The following STIP1 variants were observed in gnomAD, a reference collection of about 807,000 sequenced individuals.
STIP1 encodes stress induced phosphoprotein 1.
A neutral mutation model predicts 77.4 loss-of-function variants in STIP1; 16 were observed. That is an observed-to-expected ratio of 0.21 (90% CI 0.14 to 0.31). The LOEUF is 0.31. Ranked by LOEUF, STIP1 falls within the 10% of genes least tolerant of loss-of-function variation. STIP1 has a pLI of 1.00. For missense variants in STIP1, 524 were observed against 684.8 expected (o/e 0.77, Z 2.62); for synonymous variants, 258 against 246.6 (o/e 1.05, Z -0.44).
chr11:64,193,213 G>T lies in STIP1; in HGVS notation c.145G>T (p.Ala49Ser), dbSNP rs1254543034. The T allele has an allele frequency of 6.2e-7, 1 of 1,614,174 alleles. No individual in the cohort carries two copies. Among genetic ancestry groups the T allele is most frequent in the Non-Finnish European group, 8.5e-7 (1 of 1,180,036 alleles). The stretch of plus-strand genomic sequence containing the variant: ...GTACAGCAACCGTTCTGCTGCCTAT[G>T]CCAAGAAAGGAGACTACCAGAAGGC... Reference protein sequence around the residue: ...VLYSNRSAAYAKKGDYQKAYE... With the variant: ...VLYSNRSAAYSKKGDYQKAYE... The change falls in exon 2 of 14, where the codon GCC (alanine) becomes TCC (serine). Residue 49 changes from alanine to serine, a missense_variant. Transcript: ENST00000305218.
chr11:64,185,440 A>C, upstream of STIP1: 1 of 249,432 alleles, frequency 4.0e-6, no homozygotes, highest in Non-Finnish European at 7.9e-6. Flanking sequence ...CGGAACATTC[A>C]GAACCTAACA....
intron 1 of STIP1, among the ~76,000 whole-genome samples, chr11:64,192,250 G>A (rs1287617887): frequency 6.6e-6 from 1 of 152,154 alleles, no homozygotes; most frequent in Non-Finnish European, 1.5e-5. Context: ...GGAGGCGGAG[G>A]TTGCAGTGAG....
chr11:64,203,747 C>A, intron 13 of STIP1, 125 bp downstream of exon 13: 1 of 1,330,404 alleles, frequency 7.5e-7, no homozygotes, highest in Non-Finnish European at 1.0e-6. Flanking sequence ...TCTTCCTAAA[C>A]TTAAGGAGAT....
chr11:64,188,396 AT>A (rs1001889855), intron 1 of STIP1, among the ~76,000 whole-genome samples: 40 of 150,662 alleles, frequency 2.7e-4, no homozygotes, highest in African/African-American at 9.7e-4. Context: ...TTTATTTTGT[AT>A]TTTTTTTAGA....
chr11:64,203,968 A>G, intron 13 of STIP1, 86 bp from the exon 14 acceptor site: 3 of 1,496,432 alleles, frequency 2.0e-6, no homozygotes, highest in Non-Finnish European at 1.9e-6. Flanking sequence ...GGCCTTCTGT[A>G]GAGGGGGTTG....
chr11:64,200,160 C>T lies in STIP1; in HGVS notation c.1121-9C>T. 10 of 1,609,464 alleles carry T rather than the reference C, an allele frequency of 6.2e-6. No individual in the cohort carries two copies. Among genetic ancestry groups the T allele is most frequent in the Non-Finnish European group, 8.5e-6 (10 of 1,177,884 alleles). ...TTTTTAAAAGACAGTCTTTGTTTTT[C>T]TTCCCCAGGGGACTATCCCCAGGCC... On this transcript the variant is annotated splice_polypyrimidine_tract_variant and intron_variant, in intron 9 of 13. Transcript: ENST00000305218.
At chr11:64,195,269 A>T (rs1946136484) in intron 4 of STIP1, among the ~76,000 whole-genome samples, 1 of 152,020 alleles carries the variant, frequency 6.6e-6, no homozygotes. Flanking sequence ...GTACGCCACC[A>T]CGCCCAGCTA....
At chr11:64,185,673 G>A (rs1814248630), upstream of STIP1, 16 of 1,104,262 alleles carry the variant, frequency 1.4e-5, no homozygotes, top group Admixed American at 2.7e-5. Flanking sequence ...CGGCGACACA[G>A]CTACAGACCC....
intron 13 of STIP1, 182 bp from the exon 14 acceptor site, chr11:64,203,872 C>G: frequency 1.2e-6 from 1 of 819,962 alleles, no homozygotes. Context: ...GTCGTGGGCT[C>G]AAGAGTAGGA....
At chr11:64,197,681 G>C (rs1310670779) in intron 7 of STIP1, 86 bp downstream of exon 7, 3 of 1,566,532 alleles carry the variant, frequency 1.9e-6, no homozygotes, top group African/African-American at 2.7e-5. Flanking sequence ...GAGGAGGGCT[G>C]CTGGCCATAG....
At chr11:64,191,337 G>A (rs1946090501) in intron 1 of STIP1, among the ~76,000 whole-genome samples, 1 of 152,098 alleles carries the variant, frequency 6.6e-6, no homozygotes, top group South Asian at 2.1e-4. Context: ...GCCAGGCGCG[G>A]TGGCTCACGC....
rs1946260142 is a variant in STIP1 at position 64,204,356 on chromosome 11, A to G, written c.*230A>G. On this transcript the variant is annotated 3_prime_UTR_variant, in exon 14 of 14. Coordinates refer to ENST00000305218, the MANE Select transcript of STIP1 (RefSeq NM_006819.3). Reference sequence around the variant, plus strand: ...CTCTTCACCGCTGCCCTCGAGTTCCATGTCTCTTTCCCCTGCCCCTAGTTG... The same window carrying G: ...CTCTTCACCGCTGCCCTCGAGTTCCGTGTCTCTTTCCCCTGCCCCTAGTTG... 3 of 504,446 alleles carry G rather than the reference A, an allele frequency of 5.9e-6. No homozygotes were observed. The highest frequency in any genetic ancestry group is 2.0e-5 in the African/African-American group (1 of 49,580). 31.2% of individuals were successfully genotyped at this position (504,446 alleles called of 1,614,324 possible).
intron 5 of STIP1, 104 bp downstream of exon 5, chr11:64,195,917 G>A (rs908677797): frequency 6.6e-7 from 1 of 1,516,722 alleles, no homozygotes; most frequent in African/African-American, 1.4e-5. Context: ...GATTATTATG[G>A]TTTTTTTAGA....
At chr11:64,193,608 A>G (rs1298454588) in intron 2 of STIP1, among the ~76,000 whole-genome samples, 4 of 152,100 alleles carry the variant, frequency 2.6e-5, no homozygotes, top group East Asian at 3.9e-4. Flanking sequence ...ACATGGTGAA[A>G]CCCTGTCTGT....
chr11:64,199,566 A>ATT (rs202101452), intron 8 of STIP1, among the ~76,000 whole-genome samples: 15 of 123,554 alleles, frequency 1.2e-4, no homozygotes, highest in African/African-American at 3.3e-4. Flanking sequence ...TCCTAATCTG[A>ATT]TTTTTTTTTT....
intron 13 of STIP1, 59 bp downstream of exon 13, chr11:64,203,681 G>A (rs1468224067): frequency 4.4e-6 from 7 of 1,606,346 alleles, no homozygotes; most frequent in Non-Finnish European, 6.0e-6. Flanking sequence ...AGGCAGATGA[G>A]TGCACGCGGC....
upstream of STIP1, chr11:64,185,446 T>C (rs1945998401): frequency 3.8e-6 from 1 of 264,858 alleles, no homozygotes; most frequent in South Asian, 4.3e-5. Flanking sequence ...ATTCAGAACC[T>C]AACAGCCAGG....
At chr11:64,199,657 G>A (rs1270619263) in intron 8 of STIP1, among the ~76,000 whole-genome samples, 3 of 147,402 alleles carry the variant, frequency 2.0e-5, no homozygotes, top group Admixed American at 6.8e-5. Context: ...TCCGCCTCCC[G>A]GGTTCACGCC....
rs916922838 is a variant in STIP1, at chr11:64,197,062, G to C, written c.673-209G>C. ...ATCTAGGAGAGTAGGTGGAAAAGGGGGAGTTTCAGAGCAAGCAAAGATGAA... is the reference window on the plus strand; with the variant it reads ...ATCTAGGAGAGTAGGTGGAAAAGGGCGAGTTTCAGAGCAAGCAAAGATGAA... On this transcript the variant is annotated intron_variant, in intron 5 of 13. Transcript: ENST00000305218. 1.5e-5 allele frequency: 9 copies of C among 618,914 alleles called. No individual in the cohort carries two copies. The Admixed American group carries it at 2.8e-4, about 19-fold the overall frequency. The allele number at this position is 618,914 out of a possible 1,614,324, so 38.3% of individuals were successfully genotyped here.
Sources: allele counts gnomAD v4.1 joint callset (sites outside exome capture counted in the v4.1 genomes callset), GRCh38; gene constraint gnomAD v4.1.1; transcripts MANE v1.5; gene names NCBI Gene and HGNC (gene_info 2026-07-23, HGNC 2026-07-21).